The following GCN1 variants were observed in gnomAD, a reference collection of about 807,000 sequenced individuals.
GCN1 encodes stalled ribosome sensor GCN1.
A neutral mutation model predicts 288.4 loss-of-function variants in GCN1; 90 were observed. The ratio of observed to expected loss-of-function variants is 0.31; its 90% CI spans 0.26 to 0.37. GCN1 has a LOEUF of 0.37. GCN1 is among the 10% of genes least tolerant of loss of function. The probability of loss-of-function intolerance (pLI) is 1.00; values close to 1 mark genes in which losing one functional copy is unlikely to be tolerated. For missense variants in GCN1, 2,586 were observed against 3,419.9 expected (o/e 0.76, Z 6.08); for synonymous variants, 1,386 against 1,420.2 (o/e 0.98, Z 0.54).
intron 22 of GCN1, among the ~76,000 whole-genome samples, chr12:120,160,988 G>A (rs1276827285): frequency 6.6e-6 from 1 of 152,212 alleles, no homozygotes; most frequent in Non-Finnish European, 1.5e-5. Flanking sequence ...TGTGGACTGA[G>A]ATGAGAAAGA....
chr12:120,176,199 G>T lies in GCN1; in HGVS notation c.857C>A (p.Ala286Glu). ...NVIETISSLL[A>E]SVTLDLSQYA... is the part of the protein sequence containing the mutation. ...CTGGCTGAGGTCAAGCGTCACTGAT[G>T]CCAGCAGACTAGAAATAGCTAAGGG... The change falls in exon 10 of 58, where the codon GCA (alanine) becomes GAA (glutamate). Residue 286 changes from alanine (A) to glutamate (E), a missense_variant. Coordinates refer to ENST00000300648, the MANE Select transcript of GCN1 (RefSeq NM_006836.2). The T allele has an allele frequency of 6.2e-7, 1 of 1,609,586 alleles. No individual in the cohort carries two copies. Among genetic ancestry groups the T allele is most frequent in the Non-Finnish European group, 8.5e-7 (1 of 1,175,856 alleles).
Position 120,127,625 on chromosome 12 carries a change from C to G in GCN1, c.*224G>C. On this transcript the variant is annotated 3_prime_UTR_variant, in exon 58 of 58. Coordinates refer to ENST00000300648, the MANE Select transcript of GCN1 (RefSeq NM_006836.2). ...GGGCTGCCATTTGCTGAGGCGCATG[C>G]GTGTGCTTTTCCTTCTCTTCTCCAC... is the stretch of plus-strand genomic sequence containing the variant. 3.8e-6 allele frequency: 2 copies of G among 528,942 alleles called. No individual in the cohort carries two copies. Among genetic ancestry groups the G allele is most frequent in the Non-Finnish European group, 6.8e-6 (2 of 293,640 alleles). The allele number at this position is 528,942 out of a possible 1,614,324, so 32.8% of individuals were successfully genotyped here. A position where few individuals can be genotyped will look rare whatever the true frequency, so the allele number is the denominator to read the frequency against.
Position 120,142,944 on chromosome 12 carries a change from G to A in GCN1, c.5496-3C>T. The A allele has an allele frequency of 6.3e-7, 1 of 1,576,330 alleles. No individual in the cohort carries two copies. Among genetic ancestry groups the A allele is most frequent in the Non-Finnish European group, 8.7e-7 (1 of 1,145,622 alleles). On this transcript the variant is annotated splice_polypyrimidine_tract_variant and splice_region_variant and intron_variant, in intron 42 of 57. Coordinates refer to ENST00000300648, the MANE Select transcript of GCN1 (RefSeq NM_006836.2). This position sits in a 1 kb window ranked among gnomAD's most constrained non-coding sequence, Gnocchi z 4.9. ...CAAGGAGCTGAACAGAGCTGAACCT[G>A]AGAAGGAGGCCAACAACACAGTCAC...
At chr12:120,190,939 T>C (rs1178372988) in intron 1 of GCN1, among the ~76,000 whole-genome samples, 10 of 152,180 alleles carry the variant, frequency 6.6e-5, no homozygotes, top group Non-Finnish European at 1.2e-4. Context: ...GGTTAGGAGA[T>C]TGGATCCCAG....
chr12:120,149,463 T>G (rs1877468709), intron 36 of GCN1, 143 bp downstream of exon 36: 1 of 623,358 alleles, frequency 1.6e-6, no homozygotes, highest in East Asian at 2.7e-5. Context: ...AGACTCCATC[T>G]CAAATTTTTA....
rs750826047 is a variant in GCN1 at position 120,178,629 on chromosome 12, T to C, written c.656A>G (p.His219Arg). 4.3e-6 allele frequency: 7 copies of C among 1,614,114 alleles called. No homozygotes were observed. In the South Asian group the frequency reaches 7.7e-5, roughly 18 times the overall value. Residue 219 changes from histidine (H) to arginine (R), a missense_variant, in exon 7 of 58, where the codon CAC becomes CGC. Physicochemically the swap from His to Arg is conservative, Grantham distance 29. This residue lies in a region of GCN1 where 913 missense variants were observed against 1,107.0 expected (regional missense o/e 0.82). Coordinates refer to ENST00000300648, the MANE Select transcript of GCN1 (RefSeq NM_006836.2). ...TCACTCTGCCTTGGCACTTGCCTTG[T>C]GCTGACTGACCACGTCCATCTCCTT... Reference protein sequence around the residue: ...SHKEMDVVSQHKSALLDFYMK... With the variant: ...SHKEMDVVSQRKSALLDFYMK...
chr12:120,173,589 A>G (rs1381047136), intron 14 of GCN1, 64 bp downstream of exon 14: 2 of 908,864 alleles, frequency 2.2e-6, no homozygotes, highest in Non-Finnish European at 1.8e-6. Context: ...AACACTAACA[A>G]TACCCTAAAG....
chr12:120,133,900 T>C (rs2139082799), intron 53 of GCN1, among the ~76,000 whole-genome samples: 1 of 152,256 alleles, frequency 6.6e-6, no homozygotes, highest in East Asian at 1.9e-4. Context: ...TGAAACCCTA[T>C]CTCTACTAAA....
intron 12 of GCN1, 83 bp downstream of exon 12, chr12:120,175,079 A>AGG: frequency 1.7e-6 from 2 of 1,206,628 alleles, no homozygotes; most frequent in Non-Finnish European, 2.3e-6. Context: ...GTGAGCTGAG[A>AGG]TGGCACCACT....
At chr12:120,148,426 G>A in intron 36 of GCN1, 80 bp from the exon 37 acceptor site, 2 of 1,191,070 alleles carry the variant, frequency 1.7e-6, no homozygotes, top group Non-Finnish European at 2.4e-6. Flanking sequence ...ACATGAGCAA[G>A]GGACATCTAC....
chr12:120,130,708 T>C lies in GCN1; in HGVS notation c.7609A>G (p.Arg2537Gly). 1 of 1,614,026 alleles carries C rather than the reference T, an allele frequency of 6.2e-7. No homozygotes were observed. The highest frequency in any genetic ancestry group is 8.5e-7 in the Non-Finnish European group (1 of 1,179,962). ...SGVRGMGFLM[R>G]HHIETGGGQL... ...CCTCCGCCTGTCTCGATGTGGTGTC[T>C]CATGAGAAAGCCCATGCCCCGGACC... Residue 2537 changes from arginine (R) to glycine (G), a missense_variant, in exon 56 of 58, where the codon AGA (arginine) becomes GGA (glycine). Coordinates refer to ENST00000300648, the MANE Select transcript of GCN1 (RefSeq NM_006836.2).
Position 120,173,841 on chromosome 12 carries a change from A to G in GCN1, c.1193-15T>C. The G allele has an allele frequency of 6.2e-7, 1 of 1,609,892 alleles. No homozygotes were observed. The highest frequency in any genetic ancestry group is 2.2e-5 in the East Asian group (1 of 44,858). ...CCCTTCATGAACTAGGGCAAAAAGCAGAAGTCCAGTCAGTCCAATGTCTTA... is the reference window on the plus strand; with the variant it reads ...CCCTTCATGAACTAGGGCAAAAAGCGGAAGTCCAGTCAGTCCAATGTCTTA... On this transcript the variant is annotated splice_polypyrimidine_tract_variant and intron_variant, in intron 13 of 57. Transcript: ENST00000300648.
At chr12:120,187,653 C>T (rs1878863082) in intron 2 of GCN1, among the ~76,000 whole-genome samples, 1 of 151,918 alleles carries the variant, frequency 6.6e-6, no homozygotes, top group African/African-American at 2.4e-5. Flanking sequence ...AAAGCAGTAG[C>T]ACAATCATGG....
intron 11 of GCN1, 132 bp downstream of exon 11, chr12:120,175,614 G>A (rs1878456154): frequency 2.2e-6 from 2 of 899,596 alleles, no homozygotes; most frequent in Non-Finnish European, 3.4e-6. Flanking sequence ...TCACATTCCA[G>A]TGTGACGTCC....
In GCN1 at chr12:120,136,054, C is replaced by T. The variant is rs555156246; in HGVS notation, c.7008+448G>A. Among the ~76,000 whole-genome samples, 15 of 151,918 alleles carry T rather than the reference C, an allele frequency of 9.9e-5. No homozygotes were observed. The South Asian group carries it at 3.1e-3, about 32-fold the overall frequency. ...AAACAAAACAAAAAACAAAAAAAAA[C>T]AAAAACTGCAATATCTTTAAACAAT... On this transcript the variant is annotated intron_variant, in intron 51 of 57. Coordinates refer to ENST00000300648, the MANE Select transcript of GCN1 (RefSeq NM_006836.2).
intron 5 of GCN1, among the ~76,000 whole-genome samples, chr12:120,181,340 C>G (rs941821214): frequency 6.6e-6 from 1 of 151,746 alleles, no homozygotes; most frequent in African/African-American, 2.4e-5. Context: ...ACCAGCATGC[C>G]TGTAGTCCCA....
rs1483312122 is a variant in GCN1, at chr12:120,155,755, T to G, written c.3313-36A>C. On this transcript the variant is annotated intron_variant, in intron 28 of 57. Transcript: ENST00000300648. The surrounding 1 kb of genome is among the most constrained non-coding windows in gnomAD (Gnocchi z 4.9). ...TGGGATTGGACCGTGTGAGGCATCA[T>G]CTTTCAGAAGAGCCTCTGACCTGCC... 2 of 1,611,506 alleles carry G rather than the reference T, an allele frequency of 1.2e-6. No individual in the cohort carries two copies. The highest frequency in any genetic ancestry group is 1.7e-6 in the Non-Finnish European group (2 of 1,178,486).
chr12:120,180,883 G>A (rs529448315), intron 5 of GCN1, among the ~76,000 whole-genome samples: 18 of 151,772 alleles, frequency 1.2e-4, no homozygotes, highest in South Asian at 4.2e-4. Context: ...CCAGCTACTC[G>A]GGAGGCTGAG....
chr12:120,161,040 C>T (rs990076458), intron 22 of GCN1, among the ~76,000 whole-genome samples: 7 of 152,122 alleles, frequency 4.6e-5, no homozygotes, highest in South Asian at 2.1e-4. Flanking sequence ...GAAGAGCAAA[C>T]GCTGAGAAGG....
Sources: allele counts gnomAD v4.1 joint callset (sites outside exome capture counted in the v4.1 genomes callset), GRCh38; gene constraint gnomAD v4.1.1; regional missense constraint gnomAD v4.1.1; non-coding constraint Gnocchi (gnomAD v3.1); transcripts MANE v1.5; gene names NCBI Gene and HGNC (gene_info 2026-07-23, HGNC 2026-07-21).